Variants in AFF2 observed in about 807,000 individuals in gnomAD.
AFF2 encodes ALF transcription elongation factor 2.
A neutral mutation model predicts 76.9 loss-of-function variants in AFF2; 14 were observed. The ratio of observed to expected loss-of-function variants is 0.18; its 90% CI spans 0.12 to 0.28. The LOEUF (loss-of-function observed/expected upper bound fraction) is 0.28, where lower values mean the gene tolerates loss of function less well. Ranked by LOEUF, AFF2 falls within the 10% of genes least tolerant of loss-of-function variation. The pLI is 1.00. For synonymous variants in AFF2, 398 were observed against 366.7 expected (o/e 1.09, Z -0.98); for missense variants, 868 against 1,001.1 (o/e 0.87, Z 1.79).
At chrX:148,909,003 C>T (rs1557281742) in intron 9 of AFF2, among the ~76,000 whole-genome samples, 2 of 111,798 alleles carry the variant, frequency 1.8e-5, no homozygotes, top group Non-Finnish European at 3.8e-5. Context: ...TTGTGGACTC[C>T]TGCTCTAGTT....
chrX:148,977,680 G>A (rs2072343666), intron 16 of AFF2, among the ~76,000 whole-genome samples: 1 of 108,125 alleles, frequency 9.2e-6, no homozygotes, highest in Middle Eastern at 4.8e-3. Flanking sequence ...CCACAGCATT[G>A]TCCTAAGGCT....
In AFF2 at chrX:148,704,288, GTA is replaced by G. The variant is rs1298254179; in HGVS notation, c.1041+41530_1041+41531del. ...TATATATATTTATATATATATGTGT[GTA>G]TATATATATTTATATATATGTGTGT... On this transcript the variant is annotated intron_variant, in intron 3 of 20. Transcript: ENST00000370460. Among the ~76,000 whole-genome samples, 171 of 78,424 alleles carry G rather than the reference GTA, an allele frequency of 2.2e-3. 11 individuals are homozygous for G. The highest frequency in any genetic ancestry group is 8.7e-3 in the African/African-American group (163 of 18,842). The allele number at this position is 78,424 out of a possible 115,157, so 68.1% of individuals were successfully genotyped here. A position where few individuals can be genotyped will look rare whatever the true frequency, so the allele number is the denominator to read the frequency against.
chrX:148,918,935 C>G (rs1462642845), intron 9 of AFF2, among the ~76,000 whole-genome samples: 1 of 111,715 alleles, frequency 9.0e-6, no homozygotes. Context: ...AGAAACGAAC[C>G]CCCTGTTGTC....
At chrX:148,985,285 CTTTTTTTT>C (rs151339705) in intron 19 of AFF2, among the ~76,000 whole-genome samples, 5 of 15,387 alleles carry the variant, frequency 3.2e-4, no homozygotes, top group Admixed American at 1.3e-3. Flanking sequence ...TGTGCCTGGC[CTTTTTTTT>C]TTTTTTTTTT....
At chrX:148,565,184 A>G (rs1480404869) in intron 1 of AFF2, among the ~76,000 whole-genome samples, 4 of 111,691 alleles carry the variant, frequency 3.6e-5, no homozygotes, top group South Asian at 3.8e-4. Flanking sequence ...ATACCATATT[A>G]TATTAGTTGA....
At chrX:148,706,808 T>A (rs887245848) in intron 3 of AFF2, among the ~76,000 whole-genome samples, 3 of 112,710 alleles carry the variant, frequency 2.7e-5, no homozygotes, top group Non-Finnish European at 5.6e-5. Context: ...TTGGCCAATT[T>A]AAAAAGTCAT....
chrX:148,772,904 T>G (rs1366388753), intron 3 of AFF2, among the ~76,000 whole-genome samples: 1 of 110,911 alleles, frequency 9.0e-6, no homozygotes, highest in Non-Finnish European at 1.9e-5. Flanking sequence ...AATGCTTGAA[T>G]AACATAGACA....
At chrX:148,759,047 T>A (rs1456682174) in intron 3 of AFF2, among the ~76,000 whole-genome samples, 2 of 112,044 alleles carry the variant, frequency 1.8e-5, no homozygotes, top group African/African-American at 6.5e-5. Flanking sequence ...CCGCTGGGAT[T>A]ACAGGCATGA....
At chrX:148,631,350 G>C (rs1222904999) in intron 1 of AFF2, among the ~76,000 whole-genome samples, 1 of 111,800 alleles carries the variant, frequency 8.9e-6, no homozygotes, top group African/African-American at 3.2e-5. Flanking sequence ...TTTAGAGAGA[G>C]GAAATATATA....
chrX:148,599,492 C>G (rs1322720749), intron 1 of AFF2, among the ~76,000 whole-genome samples: 1 of 110,575 alleles, frequency 9.0e-6, no homozygotes, highest in Non-Finnish European at 1.9e-5. Context: ...CATAGAGAAG[C>G]AGTTTTTGTG....
chrX:148,870,744 G>A (rs782143960), intron 7 of AFF2, among the ~76,000 whole-genome samples: 14 of 111,983 alleles, frequency 1.3e-4, no homozygotes, highest in African/African-American at 4.5e-4. Flanking sequence ...CCTGATAGGT[G>A]GGCTATTAAA....
At chrX:148,502,911 G>C (rs948875109) in intron 1 of AFF2, among the ~76,000 whole-genome samples, 1 of 112,324 alleles carries the variant, frequency 8.9e-6, no homozygotes, top group Non-Finnish European at 1.9e-5. Flanking sequence ...TTTTATGTTT[G>C]ATTTCTTTAA....
intron 1 of AFF2, among the ~76,000 whole-genome samples, chrX:148,533,070 C>A (rs2052746986): frequency 8.9e-6 from 1 of 111,744 alleles, no homozygotes; most frequent in South Asian, 3.8e-4. Context: ...CACCACTGAA[C>A]AGAACTCAAG....
At chrX:148,556,881 C>G (rs1404989324) in intron 1 of AFF2, among the ~76,000 whole-genome samples, 1 of 111,938 alleles carries the variant, frequency 8.9e-6, no homozygotes, top group Non-Finnish European at 1.9e-5. Flanking sequence ...TGTGAATGGT[C>G]TTTGGAATCT....
chrX:148,519,825 A>C (rs1557234280), intron 1 of AFF2, among the ~76,000 whole-genome samples: 1 of 110,107 alleles, frequency 9.1e-6, no homozygotes, highest in Admixed American at 9.7e-5. Context: ...ACCTCTCCCC[A>C]CTCCATATAT....
intron 16 of AFF2, among the ~76,000 whole-genome samples, chrX:148,976,057 AG>A (rs2072322005): frequency 9.1e-6 from 1 of 109,541 alleles, no homozygotes; most frequent in African/African-American, 3.3e-5. Flanking sequence ...AAAGTTATTT[AG>A]GGAAAAAAAC....
intron 9 of AFF2, among the ~76,000 whole-genome samples, chrX:148,946,152 A>C (rs1211362492): frequency 8.9e-6 from 1 of 112,313 alleles, no homozygotes; most frequent in Non-Finnish European, 1.9e-5. Flanking sequence ...GAAAAATGTA[A>C]AAAGCCGGTC....
intron 9 of AFF2, among the ~76,000 whole-genome samples, chrX:148,907,750 A>G (rs1177606789): frequency 9.0e-6 from 1 of 111,619 alleles, no homozygotes; most frequent in Non-Finnish European, 1.9e-5. Flanking sequence ...AGTTTCGGGC[A>G]CGCATTGTCA....
intron 3 of AFF2, among the ~76,000 whole-genome samples, chrX:148,692,493 T>A (rs782461113): frequency 8.9e-6 from 1 of 112,181 alleles, no homozygotes. Flanking sequence ...GCCATCTTAA[T>A]ACTTATGTTT....
Sources: allele counts gnomAD v4.1 joint callset (sites outside exome capture counted in the v4.1 genomes callset), GRCh38; gene constraint gnomAD v4.1.1; transcripts MANE v1.5; gene names NCBI Gene and HGNC (gene_info 2026-07-23, HGNC 2026-07-21).